Variants in PHF2 observed in about 807,000 individuals in gnomAD.
The protein encoded by PHF2 is lysine-specific demethylase PHF2.
A neutral mutation model predicts 120.5 loss-of-function variants in PHF2; 27 were observed. That is an observed-to-expected ratio of 0.22 (90% CI 0.17 to 0.31). The LOEUF (loss-of-function observed/expected upper bound fraction) is 0.31, where lower values mean the gene tolerates loss of function less well. PHF2 is among the 10% of genes least tolerant of loss of function. The pLI is 1.00. For synonymous variants in PHF2, 568 were observed against 592.5 expected (o/e 0.96, Z 0.60); for missense variants, 1,024 against 1,434.8 (o/e 0.71, Z 4.63).
intron 12 of PHF2, among the ~76,000 whole-genome samples, chr9:93,661,538 AATAG>A (rs1826566033): frequency 6.6e-6 from 1 of 152,170 alleles, no homozygotes; most frequent in Non-Finnish European, 1.5e-5. Context: ...TAGATGAATG[AATAG>A]ATGGCTACAT....
At chr9:93,632,039 G>T (rs1407398467) in intron 2 of PHF2, among the ~76,000 whole-genome samples, 1 of 152,132 alleles carries the variant, frequency 6.6e-6, no homozygotes, top group African/African-American at 2.4e-5. Context: ...TCACATATTG[G>T]TGAGCACACT....
intron 16 of PHF2, 146 bp downstream of exon 16, chr9:93,666,206 C>T: frequency 2.9e-6 from 2 of 684,986 alleles, no homozygotes; most frequent in East Asian, 5.4e-5. Context: ...CCCACCCTTT[C>T]ATGAGTGTTC....
intron 11 of PHF2, 41 bp from the exon 12 acceptor site, chr9:93,660,151 T>C (rs549072691): frequency 6.7e-7 from 1 of 1,494,898 alleles, no homozygotes; most frequent in East Asian, 2.3e-5. Flanking sequence ...GGCCACAGTT[T>C]GGCAGAAGCA....
chr9:93,663,752 C>A, intron 14 of PHF2, 117 bp downstream of exon 14: 1 of 625,324 alleles, frequency 1.6e-6, no homozygotes, highest in Non-Finnish European at 2.9e-6. Flanking sequence ...ACACACTATG[C>A]ATGCACTCTG....
Position 93,610,397 on chromosome 9 carries a change from A to G in PHF2, c.99-19573A>G, listed in dbSNP as rs192610958. Among the ~76,000 whole-genome samples the G allele has an allele frequency of 3.3e-5, 5 of 152,300 alleles. No homozygotes were observed. In the East Asian group the frequency reaches 9.6e-4, roughly 29 times the overall value. On this transcript the variant is annotated intron_variant, in intron 1 of 21. Transcript: ENST00000359246. ...GGTCCGGTCTATTGATGAGCCCTTC[A>G]GAGGCATTCTTCAGTTCTATTACAG...
intron 2 of PHF2, among the ~76,000 whole-genome samples, chr9:93,634,949 C>G (rs1448709741): frequency 6.6e-6 from 1 of 152,204 alleles, no homozygotes; most frequent in African/African-American, 2.4e-5. Context: ...CCCACAGCCA[C>G]CCCACAAGGC....
At chr9:93,644,153 G>A (rs1008687298) in intron 3 of PHF2, among the ~76,000 whole-genome samples, 4 of 152,126 alleles carry the variant, frequency 2.6e-5, no homozygotes, top group Admixed American at 6.5e-5. Flanking sequence ...TTGGAAGGCC[G>A]AGGTGGGTGG....
chr9:93,596,372 T>G (rs1825332876), intron 1 of PHF2, among the ~76,000 whole-genome samples: 1 of 152,090 alleles, frequency 6.6e-6, no homozygotes, highest in Non-Finnish European at 1.5e-5. Flanking sequence ...CATGGATGCT[T>G]GAAGGAATGA....
chr9:93,653,445 CCT>C lies in PHF2; in HGVS notation c.789+81_789+82del. ...AGGATTGTCTGCAGTCCCCACAAGCCCTGATTGGCCAGGATGCGACTCCCCAG... is the reference window on the plus strand; with the variant it reads ...AGGATTGTCTGCAGTCCCCACAAGCCGATTGGCCAGGATGCGACTCCCCAG... On this transcript the variant is annotated intron_variant, in intron 6 of 21. Transcript: ENST00000359246. 6 of 1,462,852 alleles carry C rather than the reference CCT, an allele frequency of 4.1e-6. No individual in the cohort carries two copies. The South Asian group carries it at 4.9e-5, about 12-fold the overall frequency. 90.6% of individuals were successfully genotyped at this position (1,462,852 alleles called of 1,614,324 possible). A position where few individuals can be genotyped will look rare whatever the true frequency, so the allele number is the denominator to read the frequency against.
At chr9:93,591,517 CTG>C (rs917939285) in intron 1 of PHF2, among the ~76,000 whole-genome samples, 23 of 152,226 alleles carry the variant, frequency 1.5e-4, no homozygotes, top group African/African-American at 5.3e-4. Context: ...AAGCGGGAAA[CTG>C]AAGCTGCACA....
intron 1 of PHF2, among the ~76,000 whole-genome samples, chr9:93,579,051 C>G (rs532041046): frequency 6.6e-6 from 1 of 152,300 alleles, no homozygotes; most frequent in East Asian, 1.9e-4. Flanking sequence ...TTGTTCTGGG[C>G]AGGTGTGTGA....
intron 5 of PHF2, among the ~76,000 whole-genome samples, chr9:93,651,406 A>C (rs1826367983): frequency 6.6e-6 from 1 of 152,142 alleles, no homozygotes; most frequent in Admixed American, 6.6e-5. Context: ...TCCGTGGATC[A>C]TTAGGGGGTT....
At chr9:93,650,282 GAC>G (rs770504915) in intron 5 of PHF2, among the ~76,000 whole-genome samples, 35 of 152,046 alleles carry the variant, frequency 2.3e-4, no homozygotes, top group Non-Finnish European at 4.4e-4. Flanking sequence ...CACAGACACT[GAC>G]ACACTCAAAC....
At chr9:93,642,633 A>G (rs139048423) in intron 3 of PHF2, among the ~76,000 whole-genome samples, 223 of 152,184 alleles carry the variant, frequency 1.5e-3, no homozygotes, top group African/African-American at 5.1e-3. Flanking sequence ...CTGTTTCTTT[A>G]TATTGTTTGA....
At chr9:93,608,161 C>A (rs892024208) in intron 1 of PHF2, among the ~76,000 whole-genome samples, 23 of 151,944 alleles carry the variant, frequency 1.5e-4, no homozygotes, top group African/African-American at 4.6e-4. Flanking sequence ...ACATCCTTGC[C>A]TTTTTCCTGA....
intron 2 of PHF2, among the ~76,000 whole-genome samples, chr9:93,633,924 C>G (rs1275956190): frequency 1.3e-5 from 2 of 152,150 alleles, no homozygotes; most frequent in Admixed American, 1.3e-4. Context: ...TGAGGCCTCT[C>G]CCAGCTGCAA....
At chr9:93,576,958 C>A in intron 1 of PHF2, 87 bp downstream of exon 1, 1 of 501,508 alleles carries the variant, frequency 2.0e-6, no homozygotes, top group Non-Finnish European at 2.6e-6. Context: ...TGCGCGCCCG[C>A]AGGCCCGGCT....
At position 93,673,808 on chromosome 9, in the gene PHF2, G is replaced by A. The variant is rs929190311; in HGVS notation, c.2572G>A (p.Asp858Asn). ...TGCCAAGAACAGTGTCGACCTGGAC[G>A]ACTACGAGGAAGAGCAGGACCACCT... ...RAAKNSVDLD[D>N]YEEEQDHLDA... Residue 858 changes from aspartate (D) to asparagine (N), a missense_variant, in exon 18 of 22, where the codon GAC (aspartate) becomes AAC (asparagine). Asp to Asn is a conservative substitution (Grantham distance 23). Coordinates refer to ENST00000359246, the MANE Select transcript of PHF2 (RefSeq NM_005392.4). The A allele has an allele frequency of 1.4e-5, 23 of 1,610,962 alleles. No individual in the cohort carries two copies. Among genetic ancestry groups the A allele is most frequent in the Admixed American group, 3.3e-5 (2 of 59,908 alleles).
intron 1 of PHF2, among the ~76,000 whole-genome samples, chr9:93,621,619 G>A (rs1459828088): frequency 5.9e-5 from 9 of 152,206 alleles, no homozygotes; most frequent in Admixed American, 3.3e-4. Flanking sequence ...TATGGAGGGC[G>A]GGGCCAGGTG....
Sources: allele counts gnomAD v4.1 joint callset (sites outside exome capture counted in the v4.1 genomes callset), GRCh38; gene constraint gnomAD v4.1.1; transcripts MANE v1.5; gene names NCBI Gene and HGNC (gene_info 2026-07-23, HGNC 2026-07-21).